Variants in PDGFRB observed in about 807,000 individuals in gnomAD.
PDGFRB encodes platelet-derived growth factor receptor beta.
Under a neutral mutation model 120.2 loss-of-function variants are expected in PDGFRB, and 42 were observed. That is an observed-to-expected ratio of 0.35 (90% confidence interval 0.27 to 0.45). PDGFRB has a LOEUF of 0.45. Among genes scored for constraint, PDGFRB ranks in the 20% least tolerant of loss-of-function variants. The pLI is 1.00. For synonymous variants in PDGFRB, 586 were observed against 606.8 expected, an observed-to-expected ratio of 0.97 and a Z score of 0.50; for missense variants, 1,149 against 1,476.3, an observed-to-expected ratio of 0.78 and a Z score of 3.63.
rs764108274 is a variant in PDGFRB, at chr5:150,132,770, C to T, written c.1107G>A (p.Thr369=). ...CTCACCGGGTCTCCGACACGTTGCG[C>T]GTGGACAGGGCGATTTCGCCAGCGC... The part of the protein sequence containing the change: ...DSSAGEIALS[T]RNVSETRYVS... The change falls in exon 7 of 23, where the codon ACG becomes ACA. Residue 369 remains threonine, a synonymous_variant. Transcript: ENST00000261799. The surrounding 1 kb of genome is among the most constrained non-coding windows in gnomAD (Gnocchi z 5.0). 19 of 1,613,060 alleles carry T rather than the reference C, an allele frequency of 1.2e-5. No individual in the cohort carries two copies. Among genetic ancestry groups the T allele is most frequent in the East Asian group, 8.9e-5 (4 of 44,876 alleles).
chr5:150,136,689 C>T (rs1760642477), intron 2 of PDGFRB, among the ~76,000 whole-genome samples: 1 of 152,072 alleles, frequency 6.6e-6, no homozygotes, highest in African/African-American at 2.4e-5. Flanking sequence ...GGGTCCAAGC[C>T]GAGTGCCACA....
intron 1 of PDGFRB, among the ~76,000 whole-genome samples, chr5:150,151,556 C>T (rs1761078128): frequency 6.6e-6 from 1 of 152,178 alleles, no homozygotes; most frequent in Non-Finnish European, 1.5e-5. Context: ...CACTTTCTCA[C>T]CTGTAAAATG....
intron 8 of PDGFRB, among the ~76,000 whole-genome samples, chr5:150,131,746 C>T (rs554526329): frequency 6.6e-6 from 1 of 152,220 alleles, no homozygotes; most frequent in South Asian, 2.1e-4. Context: ...TACCTAAGTG[C>T]CTGAAGTTTT....
chr5:150,130,710 T>G lies in PDGFRB; in HGVS notation c.1244-48A>C, dbSNP rs749174903. ...TAGGAGGCGGGAGGGTCAGGACAGT[T>G]AACAGGACAGGTCCTCAGGGGAGGA... On this transcript the variant is annotated intron_variant, in intron 8 of 22. Coordinates refer to ENST00000261799, the MANE Select transcript of PDGFRB (RefSeq NM_002609.4). 2.5e-6 allele frequency: 4 copies of G among 1,591,120 alleles called. No individual in the cohort carries two copies. The South Asian group carries it at 4.5e-5, about 18-fold the overall frequency.
chr5:150,122,385 G>A, intron 15 of PDGFRB: 1 of 276,060 alleles, frequency 3.6e-6, no homozygotes, highest in Non-Finnish European at 6.9e-6. Context: ...CCCAGCATAG[G>A]CAGCCAGGAT....
chr5:150,144,268 C>A (rs1283324389), intron 1 of PDGFRB, among the ~76,000 whole-genome samples: 1 of 152,144 alleles, frequency 6.6e-6, no homozygotes, highest in Non-Finnish European at 1.5e-5. Flanking sequence ...CTCTCCGGCC[C>A]TCCTCTGCTC....
chr5:150,150,831 T>C (rs1457411813), intron 1 of PDGFRB, among the ~76,000 whole-genome samples: 2 of 152,228 alleles, frequency 1.3e-5, no homozygotes, highest in East Asian at 3.9e-4. Context: ...GGCCAAAGCC[T>C]TGCTTCCTCT....
At chr5:150,146,180 T>C (rs995418148) in intron 1 of PDGFRB, among the ~76,000 whole-genome samples, 1 of 152,244 alleles carries the variant, frequency 6.6e-6, no homozygotes, top group Non-Finnish European at 1.5e-5. Context: ...TATTGAGAAT[T>C]GTTAATTACA....
chr5:150,119,907 C>T, intron 19 of PDGFRB, 105 bp downstream of exon 19: 5 of 729,500 alleles, frequency 6.9e-6, no homozygotes, highest in Non-Finnish European at 1.3e-5. Flanking sequence ...GAACCAGGAT[C>T]CCTGTATCAG....
chr5:150,134,013 TAG>T lies in PDGFRB; in HGVS notation c.632-7_632-6del. 1 of 1,613,776 alleles carries T rather than the reference TAG, an allele frequency of 6.2e-7. No individual in the cohort carries two copies. The highest frequency in any genetic ancestry group is 8.5e-7 in the Non-Finnish European group (1 of 1,179,902). On this transcript the variant is annotated splice_region_variant and splice_polypyrimidine_tract_variant and intron_variant, in intron 4 of 22. Coordinates refer to ENST00000261799, the MANE Select transcript of PDGFRB (RefSeq NM_002609.4). ...CAGAGACGTTGATGGATGACACTGG[TAG>T]AGAGAGATTGGCTTAGGTCTGGGGA... is the stretch of plus-strand genomic sequence containing the variant.
intron 8 of PDGFRB, among the ~76,000 whole-genome samples, chr5:150,131,247 C>G (rs1280239634): frequency 6.6e-6 from 1 of 152,170 alleles, no homozygotes; most frequent in Non-Finnish European, 1.5e-5. Flanking sequence ...CCAGCCCCCA[C>G]TGCCCTATCC....
In PDGFRB at chr5:150,121,121, T is replaced by A; in HGVS notation, c.2463+83A>T. ...ACTGCCCATGTGCGAGAGGCCACCC[T>A]GGTGTGCTCTTGGAGGATGCTGGCT... On this transcript the variant is annotated intron_variant, in intron 17 of 22. Coordinates refer to ENST00000261799, the MANE Select transcript of PDGFRB (RefSeq NM_002609.4). This position sits in a 1 kb window ranked among gnomAD's most constrained non-coding sequence, Gnocchi z 4.1. 1 of 1,382,522 alleles carries A rather than the reference T, an allele frequency of 7.2e-7. No homozygotes were observed. The highest frequency in any genetic ancestry group is 1.0e-6 in the Non-Finnish European group (1 of 968,776). The allele number at this position is 1,382,522 out of a possible 1,614,324, so 85.6% of individuals were successfully genotyped here. A position where few individuals can be genotyped will look rare whatever the true frequency, so the allele number is the denominator to read the frequency against.
rs753511778 is a variant in PDGFRB, at chr5:150,124,840, G to A, written c.1808-9C>T. 4 of 1,505,784 alleles carry A rather than the reference G, an allele frequency of 2.7e-6. No individual in the cohort carries two copies. The Admixed American group carries it at 6.9e-5, about 26-fold the overall frequency. The allele number at this position is 1,505,784 out of a possible 1,614,324, so 93.3% of individuals were successfully genotyped here. The stretch of plus-strand genomic sequence containing the variant: ...AGAGCCGAGGGTGCGTCCTGGTGCA[G>A]AGATGATCCATTAGCTCCTGGCCTA... On this transcript the variant is annotated splice_polypyrimidine_tract_variant and intron_variant, in intron 12 of 22. Transcript: ENST00000261799.
At chr5:150,124,703 T>C in intron 13 of PDGFRB, 24 bp downstream of exon 13, 4 of 1,159,154 alleles carry the variant, frequency 3.5e-6, no homozygotes, top group Non-Finnish European at 5.1e-6. Flanking sequence ...GGCCCAGATG[T>C]GGAGGGCTCC....
At chr5:150,135,941 G>A (rs1760618373) in intron 2 of PDGFRB, 63 bp from the exon 3 acceptor site, 1 of 1,251,668 alleles carries the variant, frequency 8.0e-7, no homozygotes, top group Admixed American at 2.6e-5. Flanking sequence ...CCAAGGCTGA[G>A]CCTGCGAGGA....
chr5:150,115,649 G>A lies in PDGFRB; in HGVS notation c.*114C>T. On this transcript the variant is annotated 3_prime_UTR_variant, in exon 23 of 23. Coordinates refer to ENST00000261799, the MANE Select transcript of PDGFRB (RefSeq NM_002609.4). ...GTCAGGAGCAGAAAGCTTCCAGAAG[G>A]GGACAGCTGATAAGGGCAGCCTGGC... The A allele has an allele frequency of 2.0e-6, 2 of 992,846 alleles. No individual in the cohort carries two copies. The highest frequency in any genetic ancestry group is 1.4e-6 in the Non-Finnish European group (1 of 705,050). 61.5% of individuals were successfully genotyped at this position (992,846 alleles called of 1,614,324 possible).
At chr5:150,134,057 T>C in intron 4 of PDGFRB, 49 bp from the exon 5 acceptor site, 1 of 1,588,974 alleles carries the variant, frequency 6.3e-7, no homozygotes, top group Non-Finnish European at 8.6e-7. Context: ...CACCAGCCAC[T>C]AGCACTTCAG....
At position 150,130,570 on chromosome 5, in the gene PDGFRB, T is replaced by A. The variant is rs778336670; in HGVS notation, c.1336A>T (p.Ile446Phe). 1.2e-6 allele frequency: 2 copies of A among 1,612,082 alleles called. No individual in the cohort carries two copies. Among genetic ancestry groups the A allele is most frequent in the Non-Finnish European group, 1.7e-6 (2 of 1,179,234 alleles). ...AGGTCTCTGCAGGCAGACCAGATGA[T>A]GTTCGGCTGGGGCATGCCCCGGCCA... ...CRGRGMPQPN[I>F]IWSACRDLKR... The change falls in exon 9 of 23, where the codon ATC (isoleucine) becomes TTC (phenylalanine). Residue 446 changes from isoleucine (I) to phenylalanine (F), a missense_variant. Around this residue, in one of 3 missense-constraint regions of PDGFRB, gnomAD observed 879 missense variants for 1,108.6 expected, o/e 0.79. Coordinates refer to ENST00000261799, the MANE Select transcript of PDGFRB (RefSeq NM_002609.4).
At chr5:150,123,986 TAA>T (rs948341345) in intron 14 of PDGFRB, among the ~76,000 whole-genome samples, 22 of 152,192 alleles carry the variant, frequency 1.4e-4, no homozygotes, top group Non-Finnish European at 2.5e-4. Flanking sequence ...ATTGGGAAAA[TAA>T]AAAAGTGTCA....
Sources: gnomAD v4.1 joint callset for allele counts (sites outside exome capture counted in the v4.1 genomes callset) on GRCh38, gnomAD v4.1.1 for gene constraint, gnomAD v4.1.1 regional missense constraint, Gnocchi (gnomAD v3.1) non-coding constraint, MANE v1.5 for transcripts, NCBI Gene and HGNC (gene_info 2026-07-23, HGNC 2026-07-21) for gene names.